Variants in HIVEP1 observed in about 807,000 individuals in gnomAD.
HIVEP1 encodes the protein HIVEP zinc finger 1.
A neutral mutation model predicts 180.0 loss-of-function variants in HIVEP1; 36 were observed. The observed-to-expected ratio is 0.20, with a 90% confidence interval of 0.15 to 0.26. HIVEP1 has a LOEUF of 0.26. Ranked by LOEUF, HIVEP1 falls within the 10% of genes least tolerant of loss-of-function variation. The pLI is 1.00. For synonymous variants in HIVEP1, 1,239 were observed against 1,239.0 expected, an observed-to-expected ratio of 1.00 and a Z score of 0.00; for missense variants, 3,143 against 3,268.7, an observed-to-expected ratio of 0.96 and a Z score of 0.94.
rs1240808028 is a variant in HIVEP1 at position 12,122,442 on chromosome 6, C to T, written c.2647C>T (p.Pro883Ser). The T allele has an allele frequency of 6.2e-7, 1 of 1,614,186 alleles. No homozygotes were observed. The highest frequency in any genetic ancestry group is 2.2e-5 in the East Asian group (1 of 44,888). Reference sequence around the variant, plus strand: ...CTATGATGATGTCTTTGTATCGGGACCTAACGCTCCTGTGCCCCAGAGTGG... The same window carrying T: ...CTATGATGATGTCTTTGTATCGGGATCTAACGCTCCTGTGCCCCAGAGTGG... Reference protein sequence around the residue: ...AFYDDVFVSGPNAPVPQSGHP... With the variant: ...AFYDDVFVSGSNAPVPQSGHP... The change falls in exon 4 of 9, where the codon CCT (proline) becomes TCT (serine). Residue 883 changes from proline (P) to serine (S), a missense_variant. This residue lies in a region of HIVEP1 where 204 missense variants were observed against 243.7 expected (regional missense o/e 0.84). Coordinates refer to ENST00000379388, the MANE Select transcript of HIVEP1 (RefSeq NM_002114.4).
At chr6:12,168,240 TTATA>T (rs1158350638), downstream of HIVEP1, among the ~76,000 whole-genome samples, 3 of 89,788 alleles carry the variant, frequency 3.3e-5, no homozygotes, top group East Asian at 6.1e-4. Flanking sequence ...TACATATATA[TTATA>T]TATACAGATA....
Position 12,123,253 on chromosome 6 carries a change from C to G in HIVEP1, c.3458C>G (p.Pro1153Arg). 3.1e-6 allele frequency: 5 copies of G among 1,614,168 alleles called. No homozygotes were observed. The highest frequency in any genetic ancestry group is 4.2e-6 in the Non-Finnish European group (5 of 1,180,032). Reference protein sequence around the residue: ...SRPNSFDKPEPFERASPVSFQ... With the variant: ...SRPNSFDKPERFERASPVSFQ... ...CCCAACTCATTTGACAAGCCTGAGC[C>G]TTTTGAAAGAGCCTCCCCAGTTTCT... The change falls in exon 4 of 9, where the codon CCT becomes CGT. Residue 1153 changes from proline (P) to arginine (R), a missense_variant. Around this residue, in one of 12 missense-constraint regions of HIVEP1, gnomAD observed 1,357 missense variants for 1,260.5 expected, o/e 1.08. Transcript: ENST00000379388.
intron 7 of HIVEP1, among the ~76,000 whole-genome samples, chr6:12,160,102 T>C (rs532406266): frequency 7.9e-5 from 12 of 152,364 alleles, no homozygotes; most frequent in African/African-American, 2.6e-4. Flanking sequence ...CATTGTCTAA[T>C]GTCATCTTTA....
intron 2 of HIVEP1, among the ~76,000 whole-genome samples, chr6:12,082,853 A>C (rs969060328): frequency 6.6e-6 from 1 of 151,640 alleles, no homozygotes; most frequent in South Asian, 2.1e-4. Flanking sequence ...TGCTGAGCCA[A>C]ATGGACTATG....
In HIVEP1 at chr6:12,164,385, C is replaced by A. The variant is rs200243064; in HGVS notation, c.8081C>A (p.Pro2694Gln). 2.5e-6 allele frequency: 4 copies of A among 1,614,140 alleles called. No individual in the cohort carries two copies. The highest frequency in any genetic ancestry group is 3.4e-6 in the Non-Finnish European group (4 of 1,180,026). ...DRQVPRPTAL[P>Q]RRQPTVHFSD... ...CAGGTTCCCAGGCCCACAGCACTAC[C>A]GCGGAGGCAGCCCACTGTGCACTTC... is the stretch of plus-strand genomic sequence containing the variant. The change falls in exon 9 of 9, where the codon CCG (proline) becomes CAG (glutamine). Residue 2694 changes from proline to glutamine, a missense_variant. By Grantham distance (76) the Pro-to-Gln change is moderately conservative (BLOSUM62 -1). This residue lies in a region of HIVEP1 where 595 missense variants were observed against 602.2 expected (regional missense o/e 0.99). Coordinates refer to ENST00000379388, the MANE Select transcript of HIVEP1 (RefSeq NM_002114.4).
intron 7 of HIVEP1, among the ~76,000 whole-genome samples, chr6:12,154,165 T>C (rs1384720787): frequency 1.3e-5 from 2 of 152,234 alleles, no homozygotes; most frequent in East Asian, 1.9e-4. Flanking sequence ...CACCACTGAA[T>C]TTATTCTAGT....
chr6:12,184,358 T>C, the HIVEP1 span, among the ~76,000 whole-genome samples: 1 of 152,292 alleles, frequency 6.6e-6, no homozygotes, highest in African/African-American at 2.4e-5. Context: ...TCAGCACAAA[T>C]GTCAAAATTT....
intron 7 of HIVEP1, among the ~76,000 whole-genome samples, chr6:12,151,058 G>A (rs1394828462): frequency 6.6e-6 from 1 of 152,058 alleles, no homozygotes; most frequent in Non-Finnish European, 1.5e-5. Flanking sequence ...AGCAGGTTGC[G>A]GTTCACCTGA....
the HIVEP1 span, among the ~76,000 whole-genome samples, chr6:12,209,574 T>C: frequency 6.6e-6 from 1 of 152,244 alleles, no homozygotes; most frequent in Non-Finnish European, 1.5e-5. Context: ...TTCACTGATA[T>C]ATGCCCCACA....
upstream of HIVEP1, among the ~76,000 whole-genome samples, chr6:12,011,270 T>TCCCCCCCACCCCCCC (rs1767269102): frequency 1.4e-5 from 1 of 71,636 alleles, no homozygotes; most frequent in Non-Finnish European, 2.6e-5. Context: ...CCCCTTGGGG[T>TCCCCCCCACCCCCCC]CCCCCCCCCC....
rs1456026247 is a variant in HIVEP1, at chr6:12,124,675, T to C, written c.4880T>C (p.Val1627Ala). 3.1e-6 allele frequency: 5 copies of C among 1,614,040 alleles called. No homozygotes were observed. The highest frequency in any genetic ancestry group is 4.2e-6 in the Non-Finnish European group (5 of 1,180,004). The change falls in exon 4 of 9, where the codon GTG becomes GCG. Residue 1627 changes from valine to alanine, a missense_variant. Coordinates refer to ENST00000379388, the MANE Select transcript of HIVEP1 (RefSeq NM_002114.4). ...PPELRPLGSQVQKVPSSFMLP... is the reference protein window; with the variant it reads ...PPELRPLGSQAQKVPSSFMLP... Reference sequence around the variant, plus strand: ...GAGCTCAGGCCCCTTGGAAGTCAGGTGCAGAAGGTGCCATCATCATTCATG... The same window carrying C: ...GAGCTCAGGCCCCTTGGAAGTCAGGCGCAGAAGGTGCCATCATCATTCATG...
chr6:12,115,529 T>C (rs1581711197), intron 3 of HIVEP1, among the ~76,000 whole-genome samples: 1 of 152,016 alleles, frequency 6.6e-6, no homozygotes, highest in Admixed American at 6.5e-5. Context: ...GTATCTGTTA[T>C]ATGAAGTCGT....
intron 2 of HIVEP1, among the ~76,000 whole-genome samples, chr6:12,032,555 T>TA (rs1769027790): frequency 6.6e-6 from 1 of 152,206 alleles, no homozygotes; most frequent in African/African-American, 2.4e-5. Context: ...TGGTACAACT[T>TA]ACTAGGTCTG....
At chr6:12,126,714 T>C (rs777167765) in intron 4 of HIVEP1, among the ~76,000 whole-genome samples, 1 of 152,196 alleles carries the variant, frequency 6.6e-6, no homozygotes, top group African/African-American at 2.4e-5. Flanking sequence ...ACCATAGAAT[T>C]ATGAACAATT....
intron 2 of HIVEP1, among the ~76,000 whole-genome samples, chr6:12,065,765 T>G (rs979634711): frequency 6.6e-6 from 1 of 151,958 alleles, no homozygotes. Context: ...AAGTCCAGTT[T>G]TATTTTAGTG....
At chr6:12,207,819 G>A in the HIVEP1 span, among the ~76,000 whole-genome samples, 11 of 149,810 alleles carry the variant, frequency 7.3e-5, no homozygotes, top group Admixed American at 7.4e-4. Context: ...GGAGGCTGAG[G>A]TTGGAGGATT....
At chr6:12,108,510 G>A (rs1028846900) in intron 3 of HIVEP1, among the ~76,000 whole-genome samples, 1 of 152,242 alleles carries the variant, frequency 6.6e-6, no homozygotes, top group Non-Finnish European at 1.5e-5. Flanking sequence ...GGCATGGCGG[G>A]CTGCAGGTCC....
rs1186275503 is a variant in HIVEP1 at position 12,063,610 on chromosome 6, AG to A, written c.41-25570del. Among the ~76,000 whole-genome samples, 2 of 152,198 alleles carry A rather than the reference AG, an allele frequency of 1.3e-5. No individual in the cohort carries two copies. Among genetic ancestry groups the A allele is most frequent in the East Asian group, 3.9e-4 (2 of 5,178 alleles). Reference sequence around the variant, plus strand: ...CAGAGGCAGATGTCTTGGGGAGAGAAGGGGCTTGGATCTGGGTGGCTGAAGT... The same window carrying A: ...CAGAGGCAGATGTCTTGGGGAGAGAAGGGCTTGGATCTGGGTGGCTGAAGT... On this transcript the variant is annotated intron_variant, in intron 2 of 8. Coordinates refer to ENST00000379388, the MANE Select transcript of HIVEP1 (RefSeq NM_002114.4). The surrounding 1 kb of genome is among the most constrained non-coding windows in gnomAD (Gnocchi z 4.2).
At chr6:12,106,682 C>T (rs536366291) in intron 3 of HIVEP1, among the ~76,000 whole-genome samples, 10 of 152,012 alleles carry the variant, frequency 6.6e-5, no homozygotes, top group African/African-American at 2.2e-4. Flanking sequence ...TCCTTCTTAC[C>T]GTCATTTATA....
Sources: allele counts gnomAD v4.1 joint callset (sites outside exome capture counted in the v4.1 genomes callset), GRCh38; gene constraint gnomAD v4.1.1; regional missense constraint gnomAD v4.1.1; non-coding constraint Gnocchi (gnomAD v3.1); transcripts MANE v1.5; gene names NCBI Gene and HGNC (gene_info 2026-07-23, HGNC 2026-07-21).